KCNB2: variants seen among roughly 807,000 people sequenced by gnomAD.
KCNB2 encodes delayed rectifier potassium channel protein.
KCNB2 carries 15 observed loss-of-function variants against 61.5 expected under a neutral mutation model. The ratio of observed to expected loss-of-function variants is 0.24; its 90% CI spans 0.16 to 0.38. The LOEUF is 0.38. Among genes scored for constraint, KCNB2 ranks in the 10% least tolerant of loss-of-function variants. The pLI is 1.00. For missense variants in KCNB2, 828 were observed against 1,125.2 expected (o/e 0.74, Z 3.78); for synonymous variants, 457 against 446.0 (o/e 1.02, Z -0.31).
chr8:72,617,220 G>T (rs1386686177), intron 2 of KCNB2, among the ~76,000 whole-genome samples: 1 of 152,040 alleles, frequency 6.6e-6, no homozygotes, highest in East Asian at 1.9e-4. Context: ...GTATACTAAT[G>T]TTGCCCCAAT....
intron 2 of KCNB2, among the ~76,000 whole-genome samples, chr8:72,819,910 A>C (rs555229051): frequency 6.6e-6 from 1 of 152,252 alleles, no homozygotes; most frequent in East Asian, 1.9e-4. Flanking sequence ...GTTGACACCA[A>C]GTACCTGTGT....
At chr8:72,730,938 G>A (rs1304903436) in intron 2 of KCNB2, among the ~76,000 whole-genome samples, 1 of 152,114 alleles carries the variant, frequency 6.6e-6, no homozygotes, top group Non-Finnish European at 1.5e-5. Context: ...CTCTACAAAA[G>A]CAGTGGTGCA....
At chr8:72,793,553 T>C (rs1033480415) in intron 2 of KCNB2, among the ~76,000 whole-genome samples, 3 of 152,134 alleles carry the variant, frequency 2.0e-5, no homozygotes, top group African/African-American at 7.2e-5. Context: ...AATGTTTCTA[T>C]AGTAACTCTG....
chr8:72,935,916 G>A lies in KCNB2; in HGVS notation c.580-19G>A, dbSNP rs1420100495. On this transcript the variant is annotated intron_variant, in intron 2 of 2. Transcript: ENST00000523207. ...AGCAACTAAGAGGATTTGCTGACTT[G>A]GACTTTTCTCTTTTCCAGATCCTGG... 1.3e-6 allele frequency: 2 copies of A among 1,592,156 alleles called. No homozygotes were observed. The highest frequency in any genetic ancestry group is 1.7e-6 in the Non-Finnish European group (2 of 1,162,232).
intron 2 of KCNB2, among the ~76,000 whole-genome samples, chr8:72,762,237 G>A (rs1808394515): frequency 6.6e-6 from 1 of 152,184 alleles, no homozygotes; most frequent in Admixed American, 6.5e-5. Context: ...GATCGATGGG[G>A]GATGTGCTGT....
At chr8:72,551,390 T>C (rs1186277357) in intron 1 of KCNB2, among the ~76,000 whole-genome samples, 2 of 152,194 alleles carry the variant, frequency 1.3e-5, no homozygotes, top group Non-Finnish European at 2.9e-5. Flanking sequence ...AAAGCTGTTG[T>C]ACATGACGGG....
At chr8:72,873,063 A>C (rs1805644213) in intron 2 of KCNB2, among the ~76,000 whole-genome samples, 1 of 152,216 alleles carries the variant, frequency 6.6e-6, no homozygotes. Context: ...ACCCATGCTT[A>C]GCACAGTACA....
intron 2 of KCNB2, among the ~76,000 whole-genome samples, chr8:72,681,647 G>A (rs1284321714): frequency 1.3e-5 from 2 of 152,036 alleles, no homozygotes; most frequent in East Asian, 1.9e-4. Flanking sequence ...TACATAAACC[G>A]GTAACATAGT....
At chr8:72,634,649 G>A (rs1360528395) in intron 2 of KCNB2, among the ~76,000 whole-genome samples, 2 of 152,178 alleles carry the variant, frequency 1.3e-5, no homozygotes, top group East Asian at 3.9e-4. Context: ...CTTTAAGGAA[G>A]CTGCATTTCC....
intron 2 of KCNB2, chr8:72,732,242 T>C (rs1276101516): frequency 6.6e-6 from 1 of 152,268 alleles, no homozygotes; most frequent in African/African-American, 2.4e-5. Flanking sequence ...TATGTCTAGC[T>C]GCAGGTCTTT....
At chr8:72,919,447 A>G (rs1297227460) in intron 2 of KCNB2, among the ~76,000 whole-genome samples, 1 of 152,228 alleles carries the variant, frequency 6.6e-6, no homozygotes, top group African/African-American at 2.4e-5. Context: ...GACTGATTCA[A>G]AATAGTTGTG....
intron 2 of KCNB2, among the ~76,000 whole-genome samples, chr8:72,654,133 C>A (rs1248175511): frequency 6.6e-6 from 1 of 152,134 alleles, no homozygotes. Flanking sequence ...AATGAGGTCA[C>A]CCAACTAGTA....
chr8:72,563,386 G>T (rs1451134757), intron 1 of KCNB2, among the ~76,000 whole-genome samples: 3 of 152,126 alleles, frequency 2.0e-5, no homozygotes. Flanking sequence ...CTCAGACAGA[G>T]CCCCTTTTAT....
rs1036555072 is a variant in KCNB2, at chr8:72,820,350, T to C, written c.580-115585T>C. Among the ~76,000 whole-genome samples, 5 of 152,184 alleles carry C rather than the reference T, an allele frequency of 3.3e-5. No individual in the cohort carries two copies. In the East Asian group the frequency reaches 5.8e-4, roughly 18 times the overall value. Reference sequence around the variant, plus strand: ...AATAAAGAGCTTCACAAATCAACCTTTCCATTTTCCTAAATAGTATATTTA... The same window carrying C: ...AATAAAGAGCTTCACAAATCAACCTCTCCATTTTCCTAAATAGTATATTTA... On this transcript the variant is annotated intron_variant, in intron 2 of 2. Coordinates refer to ENST00000523207, the MANE Select transcript of KCNB2 (RefSeq NM_004770.3).
At chr8:72,583,086 T>A (rs1288386862) in intron 2 of KCNB2, among the ~76,000 whole-genome samples, 2 of 152,302 alleles carry the variant, frequency 1.3e-5, no homozygotes, top group Admixed American at 1.3e-4. Flanking sequence ...AGGATTTAGA[T>A]AAATATTAGG....
intron 2 of KCNB2, among the ~76,000 whole-genome samples, chr8:72,798,389 G>C (rs1809066971): frequency 6.6e-6 from 1 of 152,158 alleles, no homozygotes; most frequent in South Asian, 2.1e-4. Flanking sequence ...TCTGAAGGCA[G>C]GCTCTGTGTA....
intron 2 of KCNB2, among the ~76,000 whole-genome samples, chr8:72,845,007 G>A (rs1809961148): frequency 6.6e-6 from 1 of 152,200 alleles, no homozygotes; most frequent in South Asian, 2.1e-4. Flanking sequence ...ATCTTTTGAA[G>A]GAAAAGAGGT....
chr8:72,679,048 G>A (rs771598078), intron 2 of KCNB2, among the ~76,000 whole-genome samples: 2 of 152,124 alleles, frequency 1.3e-5, no homozygotes, highest in Non-Finnish European at 2.9e-5. Context: ...ATGATTAAGT[G>A]TATAGTTGGT....
chr8:72,813,446 A>T (rs944646042), intron 2 of KCNB2, among the ~76,000 whole-genome samples: 1 of 152,146 alleles, frequency 6.6e-6, no homozygotes, highest in Admixed American at 6.6e-5. Flanking sequence ...TCTCCCGAAG[A>T]TGATTTTGGT....
Sources: allele counts gnomAD v4.1 joint callset (sites outside exome capture counted in the v4.1 genomes callset), GRCh38; gene constraint gnomAD v4.1.1; transcripts MANE v1.5; gene names NCBI Gene and HGNC (gene_info 2026-07-23, HGNC 2026-07-21).